CTNNA3: variants seen among roughly 807,000 people sequenced by gnomAD.
The protein encoded by CTNNA3 is catenin alpha-3.
A neutral mutation model predicts 95.7 loss-of-function variants in CTNNA3; 76 were observed. The observed-to-expected ratio is 0.79, with a 90% CI of 0.66 to 0.96. The LOEUF is 0.96. Ranked by LOEUF, CTNNA3 falls within the 40% of genes least tolerant of loss-of-function variation. The pLI, the probability that CTNNA3 is intolerant of heterozygous loss-of-function variation, is 0.00. For missense variants in CTNNA3, 1,191 were observed against 1,089.8 expected, an observed-to-expected ratio of 1.09 and a Z score of -1.31; for synonymous variants, 431 against 374.4, an observed-to-expected ratio of 1.15 and a Z score of -1.74.
rs150236077 is a variant in CTNNA3, at chr10:66,300,418, AC to A, written c.1733-19798del. Among the ~76,000 whole-genome samples the A allele has an allele frequency of 8.7e-3, 1,324 of 152,120 alleles. 10 individuals carry two copies. The highest frequency in any genetic ancestry group is 0.014 in the South Asian group (67 of 4,820). The stretch of plus-strand genomic sequence containing the variant: ...TTTATTTTCTTCCACTTGAGTATAA[AC>A]TGGACCTGGTAACTCAATTCTAAAC... On this transcript the variant is annotated intron_variant, in intron 12 of 17. Coordinates refer to ENST00000433211, the MANE Select transcript of CTNNA3 (RefSeq NM_013266.4).
intron 9 of CTNNA3, among the ~76,000 whole-genome samples, chr10:66,672,691 C>T (rs1846707813): frequency 6.6e-6 from 1 of 151,934 alleles, no homozygotes. Context: ...TTCCACATAC[C>T]CACAGAGACC....
intron 13 of CTNNA3, among the ~76,000 whole-genome samples, chr10:66,221,247 TTATAAC>T (rs113761214): frequency 0.036 from 5,471 of 152,276 alleles, 240 homozygotes; most frequent in African/African-American, 0.11. Flanking sequence ...CACCATCTAA[TTATAAC>T]CTGGCTTAAC....
chr10:67,652,573 C>G (rs1839907189), intron 1 of CTNNA3, among the ~76,000 whole-genome samples: 1 of 152,174 alleles, frequency 6.6e-6, no homozygotes, highest in Non-Finnish European at 1.5e-5. Flanking sequence ...CTCTCTCTCT[C>G]TCATCCCTGT....
chr10:66,902,545 G>C (rs891649492), intron 7 of CTNNA3, among the ~76,000 whole-genome samples: 1 of 152,114 alleles, frequency 6.6e-6, no homozygotes, highest in African/African-American at 2.4e-5. Flanking sequence ...CAGAACTGAA[G>C]GAGATAGAGA....
chr10:66,345,452 T>G (rs536200663), intron 12 of CTNNA3, among the ~76,000 whole-genome samples: 1 of 152,142 alleles, frequency 6.6e-6, no homozygotes, highest in Non-Finnish European at 1.5e-5. Flanking sequence ...CTCCTCTGTG[T>G]CATTATTCTA....
chr10:66,929,042 T>G (rs752880674), intron 7 of CTNNA3, among the ~76,000 whole-genome samples: 25 of 152,136 alleles, frequency 1.6e-4, no homozygotes, highest in Admixed American at 3.3e-4. Context: ...TTTCCAGAGG[T>G]GTCTGAATTA....
At chr10:66,458,463 G>T (rs1413244929) in intron 11 of CTNNA3, among the ~76,000 whole-genome samples, 3 of 152,136 alleles carry the variant, frequency 2.0e-5, no homozygotes, top group Non-Finnish European at 4.4e-5. Flanking sequence ...TCATTTGGAT[G>T]TGTACAATTC....
At chr10:67,241,521 A>T (rs1865717066) in intron 5 of CTNNA3, among the ~76,000 whole-genome samples, 1 of 152,194 alleles carries the variant, frequency 6.6e-6, no homozygotes, top group Non-Finnish European at 1.5e-5. Context: ...AAAATCAATA[A>T]ATATTTTTAT....
intron 17 of CTNNA3, among the ~76,000 whole-genome samples, chr10:65,927,428 G>C (rs2077184063): frequency 6.6e-6 from 1 of 152,114 alleles, no homozygotes; most frequent in South Asian, 2.1e-4. Context: ...TATGACAACT[G>C]GTTTCCTTAA....
intron 12 of CTNNA3, among the ~76,000 whole-genome samples, chr10:66,336,336 G>T (rs551338979): frequency 1.2e-3 from 182 of 152,158 alleles, no homozygotes; most frequent in African/African-American, 4.3e-3. Context: ...GCTGGGAGCT[G>T]TAGACTGGAG....
chr10:66,264,900 A>G (rs980288437), intron 13 of CTNNA3, among the ~76,000 whole-genome samples: 4 of 152,014 alleles, frequency 2.6e-5, no homozygotes, highest in Non-Finnish European at 5.9e-5. Flanking sequence ...CTGTGTTAAT[A>G]ATACTAAGAG....
rs75992850 is a variant in CTNNA3 at position 66,459,384 on chromosome 10, C to A, written c.1531+61233G>T. Among the ~76,000 whole-genome samples, 6 of 151,946 alleles carry A rather than the reference C, an allele frequency of 3.9e-5. No individual in the cohort carries two copies. The East Asian group carries it at 7.7e-4, about 20-fold the overall frequency. Reference sequence around the variant, plus strand: ...CTGCACACGGGTCAGCAATCCTAACCCCTGAATTATTCAATGATCAATCAT... The same window carrying A: ...CTGCACACGGGTCAGCAATCCTAACACCTGAATTATTCAATGATCAATCAT... On this transcript the variant is annotated intron_variant, in intron 11 of 17. Transcript: ENST00000433211.
chr10:66,100,789 A>G (rs75318245), intron 14 of CTNNA3, among the ~76,000 whole-genome samples: 4,771 of 152,296 alleles, frequency 0.031, 259 homozygotes, highest in African/African-American at 0.11. Flanking sequence ...TAAGAAGTTT[A>G]CCATCGTATA....
intron 15 of CTNNA3, among the ~76,000 whole-genome samples, chr10:66,020,876 T>C (rs1327427783): frequency 1.3e-5 from 2 of 152,018 alleles, no homozygotes; most frequent in Admixed American, 1.3e-4. Flanking sequence ...GGTTTCACCG[T>C]GTTAGCCAGG....
At chr10:66,619,394 A>T (rs1366173323) in intron 10 of CTNNA3, among the ~76,000 whole-genome samples, 2 of 137,776 alleles carry the variant, frequency 1.5e-5, no homozygotes, top group African/African-American at 5.1e-5. Context: ...AAAAATGATG[A>T]GTTCATGTCC....
intron 10 of CTNNA3, among the ~76,000 whole-genome samples, chr10:66,552,045 A>G (rs1842234998): frequency 6.6e-6 from 1 of 151,764 alleles, no homozygotes; most frequent in African/African-American, 2.4e-5. Context: ...CTGGGATTAC[A>G]GGCGTGTGCC....
intron 3 of CTNNA3, among the ~76,000 whole-genome samples, chr10:67,559,916 G>A (rs1841430218): frequency 6.6e-6 from 1 of 152,260 alleles, no homozygotes; most frequent in Non-Finnish European, 1.5e-5. Flanking sequence ...ATGAAATGAA[G>A]CGAGAAGGGA....
intron 10 of CTNNA3, among the ~76,000 whole-genome samples, chr10:66,548,515 A>C (rs1842107842): frequency 6.6e-6 from 1 of 152,106 alleles, no homozygotes; most frequent in African/African-American, 2.4e-5. Context: ...TCCAATTCCA[A>C]AGGAAAGCTT....
chr10:67,302,443 A>AT (rs1238680096), intron 5 of CTNNA3, among the ~76,000 whole-genome samples: 2 of 152,242 alleles, frequency 1.3e-5, no homozygotes, highest in African/African-American at 4.8e-5. Context: ...CACAAAAATG[A>AT]TAAGTATGTG....
Sources: gnomAD v4.1 joint callset for allele counts (sites outside exome capture counted in the v4.1 genomes callset) on GRCh38, gnomAD v4.1.1 for gene constraint, MANE v1.5 for transcripts, NCBI Gene and HGNC (gene_info 2026-07-23, HGNC 2026-07-21) for gene names.